Variants in DIAPH2 observed in about 807,000 individuals in gnomAD.
DIAPH2 encodes the protein diaphanous related formin 2.
A neutral mutation model predicts 92.7 loss-of-function variants in DIAPH2; 35 were observed. The observed-to-expected ratio is 0.38, with a 90% confidence interval of 0.29 to 0.50. DIAPH2 has a LOEUF of 0.50. DIAPH2 is among the 20% of genes least tolerant of loss of function. The pLI, the probability that DIAPH2 is intolerant of heterozygous loss-of-function variation, is 0.94. For missense variants in DIAPH2, 701 were observed against 819.5 expected (o/e 0.86, Z 1.77); for synonymous variants, 301 against 280.4 (o/e 1.07, Z -0.73).
intron 26 of DIAPH2, among the ~76,000 whole-genome samples, chrX:97,524,972 A>C (rs1003997663): frequency 2.1e-4 from 24 of 112,328 alleles, no homozygotes; most frequent in African/African-American, 7.8e-4. Context: ...AGGCACCTTC[A>C]GTTCATGTCA....
chrX:97,200,000 T>C (rs942520501), intron 22 of DIAPH2, among the ~76,000 whole-genome samples: 8 of 100,989 alleles, frequency 7.9e-5, no homozygotes, highest in Non-Finnish European at 1.2e-4. Flanking sequence ...AGAAGGGAGG[T>C]ACCTAGTTGA....
chrX:97,526,239 A>G (rs2078248168), intron 26 of DIAPH2, among the ~76,000 whole-genome samples: 1 of 111,401 alleles, frequency 9.0e-6, no homozygotes, highest in Non-Finnish European at 1.9e-5. Flanking sequence ...TGAGCAGATC[A>G]TAGCCTCCAC....
chrX:96,695,933 A>G (rs774853172), intron 1 of DIAPH2, among the ~76,000 whole-genome samples: 1 of 112,419 alleles, frequency 8.9e-6, no homozygotes, highest in Non-Finnish European at 1.9e-5. Context: ...TCAAAACTTC[A>G]TTTTGATCTT....
intron 26 of DIAPH2, among the ~76,000 whole-genome samples, chrX:97,538,667 A>G (rs2071115850): frequency 8.9e-6 from 1 of 112,391 alleles, no homozygotes. Flanking sequence ...TGAAAAAACT[A>G]CTGGAAAAGA....
chrX:97,431,205 T>G (rs2070123287), intron 26 of DIAPH2: 1 of 112,115 alleles, frequency 8.9e-6, no homozygotes, highest in Admixed American at 9.5e-5. Context: ...CCCTATCACC[T>G]CTTAAGGAAA....
rs916834525 is a variant in DIAPH2, at chrX:96,723,973, G to T, written c.133-11785G>T. On this transcript the variant is annotated intron_variant, in intron 1 of 26. Transcript: ENST00000324765. ...GAGTCTCATTCTGTTGCCCGGGCTG[G>T]AGTGCAGTGGTGCGATCTCGGCTCA... 6.0e-5 allele frequency among the ~76,000 whole-genome samples: 6 copies of T among 100,099 alleles called. 1 individual carries two copies. The highest frequency in any genetic ancestry group is 1.2e-4 in the Non-Finnish European group (6 of 50,328). The allele number at this position is 100,099 out of a possible 115,157, so 86.9% of individuals were successfully genotyped here. A position where few individuals can be genotyped will look rare whatever the true frequency, so the allele number is the denominator to read the frequency against.
intron 20 of DIAPH2, among the ~76,000 whole-genome samples, chrX:97,111,687 G>A (rs1193740979): frequency 9.0e-6 from 1 of 111,314 alleles, no homozygotes; most frequent in African/African-American, 3.3e-5. Flanking sequence ...CTAACTTCCT[G>A]ATGGTCTCCC....
intron 17 of DIAPH2, among the ~76,000 whole-genome samples, chrX:96,984,734 T>C (rs2066020267): frequency 2.7e-5 from 3 of 111,375 alleles, no homozygotes; most frequent in Non-Finnish European, 3.8e-5. Flanking sequence ...GCACGTTCCT[T>C]AGCCGCTGGG....
chrX:97,313,022 T>A (rs186583219), intron 23 of DIAPH2, among the ~76,000 whole-genome samples: 1,741 of 108,913 alleles, frequency 0.016, 16 homozygotes, highest in Non-Finnish European at 0.025. Flanking sequence ...ACTAAAAATA[T>A]AAGAAAAAAA....
At chrX:96,856,001 G>A (rs187033143) in intron 4 of DIAPH2, among the ~76,000 whole-genome samples, 56 of 111,939 alleles carry the variant, frequency 5.0e-4, no homozygotes, top group African/African-American at 1.7e-3. Context: ...TGTAAATGGA[G>A]TATTGAGAAG....
chrX:96,717,479 C>T (rs1198101477), intron 1 of DIAPH2, among the ~76,000 whole-genome samples: 2 of 108,038 alleles, frequency 1.9e-5, no homozygotes, highest in African/African-American at 3.4e-5. Flanking sequence ...GACTGTATAT[C>T]CTCCCGATAA....
At chrX:97,037,249 G>A (rs1211920901) in intron 17 of DIAPH2, among the ~76,000 whole-genome samples, 5 of 111,171 alleles carry the variant, frequency 4.5e-5, no homozygotes, top group Non-Finnish European at 9.4e-5. Context: ...GTACTTTACT[G>A]TAGTACAGCT....
intron 26 of DIAPH2, among the ~76,000 whole-genome samples, chrX:97,573,171 G>A (rs759517304): frequency 9.9e-5 from 11 of 111,251 alleles, no homozygotes; most frequent in Non-Finnish European, 2.1e-4. Flanking sequence ...GCTCTAATGG[G>A]AACCTGAGCT....
At chrX:97,365,690 T>G (rs1212812691) in intron 24 of DIAPH2, among the ~76,000 whole-genome samples, 1 of 109,976 alleles carries the variant, frequency 9.1e-6, no homozygotes, top group Admixed American at 9.8e-5. Context: ...TTCTTTTTTT[T>G]TTCATTTTTT....
chrX:97,325,668 C>G (rs888571877), intron 23 of DIAPH2, among the ~76,000 whole-genome samples: 1 of 109,223 alleles, frequency 9.2e-6, no homozygotes, highest in Non-Finnish European at 1.9e-5. Context: ...AGCTCCGCGT[C>G]CCGGGTTCAC....
chrX:96,765,947 T>A (rs758009455), intron 4 of DIAPH2, among the ~76,000 whole-genome samples: 6 of 111,590 alleles, frequency 5.4e-5, no homozygotes, highest in African/African-American at 1.9e-4. Flanking sequence ...CTCCTAAATA[T>A]CCATCAAGAT....
At chrX:96,744,505 C>T (rs2064137867) in intron 3 of DIAPH2, among the ~76,000 whole-genome samples, 1 of 111,933 alleles carries the variant, frequency 8.9e-6, no homozygotes, top group Non-Finnish European at 1.9e-5. Context: ...GTACATTTTC[C>T]TTGCACACAT....
intron 4 of DIAPH2, among the ~76,000 whole-genome samples, chrX:96,830,595 AAAT>A (rs753321999): frequency 4.7e-5 from 5 of 105,457 alleles, no homozygotes; most frequent in Non-Finnish European, 7.8e-5. Context: ...AAAAAAAAAA[AAAT>A]GAGCAAATGA....
intron 17 of DIAPH2, among the ~76,000 whole-genome samples, chrX:97,038,108 T>C (rs2066423380): frequency 9.0e-6 from 1 of 111,484 alleles, no homozygotes; most frequent in African/African-American, 3.3e-5. Flanking sequence ...CAACATGCAG[T>C]ATTTGGTTTT....
Sources: gnomAD v4.1 joint callset for allele counts (sites outside exome capture counted in the v4.1 genomes callset) on GRCh38, gnomAD v4.1.1 for gene constraint, MANE v1.5 for transcripts, NCBI Gene and HGNC (gene_info 2026-07-23, HGNC 2026-07-21) for gene names.